The following SUSD5 variants were observed in gnomAD, a reference collection of about 807,000 sequenced individuals.
SUSD5 encodes the protein sushi domain containing 5, also known as sushi domain-containing protein 5.
SUSD5 carries 33 observed loss-of-function variants against 29.5 expected under a neutral mutation model. That is an observed-to-expected ratio of 1.12 (90% CI 0.85 to 1.49). The LOEUF is 1.49. Among genes scored for constraint, SUSD5 ranks in the 40% most tolerant of loss-of-function variants. SUSD5 has a pLI of 0.00. For missense variants in SUSD5, 776 were observed against 800.6 expected (o/e 0.97, Z 0.37); for synonymous variants, 308 against 325.3 (o/e 0.95, Z 0.57).
chr3:33,164,170 T>C (rs2031255536), intron 4 of SUSD5, among the ~76,000 whole-genome samples: 1 of 151,918 alleles, frequency 6.6e-6, no homozygotes, highest in Admixed American at 6.6e-5. Flanking sequence ...CAAGACTCTG[T>C]CTCAAAGAAA....
chr3:33,186,438 T>G (rs2031781403), intron 3 of SUSD5, among the ~76,000 whole-genome samples: 1 of 151,820 alleles, frequency 6.6e-6, no homozygotes, highest in South Asian at 2.1e-4. Context: ...TCTTTTTTTT[T>G]TTTGAGACAG....
At chr3:33,212,761 C>A (rs2125633994) in intron 2 of SUSD5, among the ~76,000 whole-genome samples, 1 of 152,316 alleles carries the variant, frequency 6.6e-6, no homozygotes, top group African/African-American at 2.4e-5. Flanking sequence ...CTCAAGGCTA[C>A]AAAAGTGAGT....
intron 3 of SUSD5, among the ~76,000 whole-genome samples, chr3:33,185,982 A>T (rs1314230085): frequency 1.3e-5 from 2 of 152,174 alleles, no homozygotes; most frequent in African/African-American, 4.8e-5. Context: ...TTCCTCTTCT[A>T]ATTTTACAGG....
At chr3:33,185,607 T>C (rs1051954475) in intron 3 of SUSD5, among the ~76,000 whole-genome samples, 3 of 152,242 alleles carry the variant, frequency 2.0e-5, no homozygotes, top group Non-Finnish European at 2.9e-5. Flanking sequence ...ACTTTGCTGA[T>C]GGATCTAAGA....
intron 4 of SUSD5, among the ~76,000 whole-genome samples, chr3:33,169,330 T>C (rs35525654): frequency 0.74 from 112,129 of 151,898 alleles, 41,712 homozygotes; most frequent in South Asian, 0.92. Flanking sequence ...AAGTGATTCT[T>C]CTGCCTCAGC....
intron 1 of SUSD5, 118 bp downstream of exon 1, chr3:33,218,568 C>T: frequency 5.2e-6 from 5 of 956,782 alleles, no homozygotes; most frequent in Non-Finnish European, 6.9e-6. Context: ...GTTCGTTCCT[C>T]TCAGGCTTGC....
chr3:33,174,145 A>C (rs959187803), intron 4 of SUSD5, among the ~76,000 whole-genome samples: 1 of 152,188 alleles, frequency 6.6e-6, no homozygotes, highest in Non-Finnish European at 1.5e-5. Flanking sequence ...CCTGGCATTC[A>C]GAAGGCTCCA....
Position 33,152,246 on chromosome 3 carries a change from C to T in SUSD5, c.*496G>A, listed in dbSNP as rs1421521109. On this transcript the variant is annotated 3_prime_UTR_variant, in exon 5 of 5. Coordinates refer to ENST00000309558, the MANE Select transcript of SUSD5 (RefSeq NM_015551.2). ...CAGCCTGGCCAACATGGTGAAACTC[C>T]ATCTCTACTAAAAATATAAAAAAAT... is the stretch of plus-strand genomic sequence containing the variant. The T allele has an allele frequency of 6.5e-6, 1 of 153,752 alleles. No individual in the cohort carries two copies. Among genetic ancestry groups the T allele is most frequent in the Non-Finnish European group, 1.4e-5 (1 of 69,244 alleles). The allele number at this position is 153,752 out of a possible 1,614,324, so 9.5% of individuals were successfully genotyped here.
At chr3:33,159,381 C>T (rs1275162328) in intron 4 of SUSD5, among the ~76,000 whole-genome samples, 1 of 152,178 alleles carries the variant, frequency 6.6e-6, no homozygotes, top group Non-Finnish European at 1.5e-5. Flanking sequence ...CCTGACAAGT[C>T]TCGCTGTAAC....
intron 4 of SUSD5, among the ~76,000 whole-genome samples, chr3:33,161,400 G>A (rs1199552325): frequency 6.6e-6 from 1 of 151,720 alleles, no homozygotes; most frequent in Non-Finnish European, 1.5e-5. Flanking sequence ...TAATAGAAGG[G>A]GTAAACATAA....
At chr3:33,212,735 A>T (rs1308972796) in intron 2 of SUSD5, among the ~76,000 whole-genome samples, 1 of 152,262 alleles carries the variant, frequency 6.6e-6, no homozygotes, top group Non-Finnish European at 1.5e-5. Context: ...CAGCACAGTC[A>T]GACTCCTCAT....
chr3:33,151,826 G>A lies in SUSD5; in HGVS notation c.*916C>T, dbSNP rs1220904021. On this transcript the variant is annotated 3_prime_UTR_variant, in exon 5 of 5. Coordinates refer to ENST00000309558, the MANE Select transcript of SUSD5 (RefSeq NM_015551.2). The stretch of plus-strand genomic sequence containing the variant: ...ATGACAGACTGTCCCACAGAATGGA[G>A]GGAACAGAGGGGGATGTGTGTTTCT... 1 of 152,138 alleles carries A rather than the reference G, an allele frequency of 6.6e-6. No individual in the cohort carries two copies. The highest frequency in any genetic ancestry group is 2.4e-5 in the African/African-American group (1 of 41,420). 9.4% of individuals were successfully genotyped at this position (152,138 alleles called of 1,614,324 possible).
intron 3 of SUSD5, among the ~76,000 whole-genome samples, chr3:33,202,084 T>A (rs182907472): frequency 2.0e-5 from 3 of 150,072 alleles, no homozygotes; most frequent in East Asian, 3.9e-4. Context: ...ATCTATCATC[T>A]ATCTATCATC....
intron 3 of SUSD5, among the ~76,000 whole-genome samples, chr3:33,196,736 A>T (rs1239908630): frequency 6.6e-6 from 1 of 152,220 alleles, no homozygotes; most frequent in African/African-American, 2.4e-5. Flanking sequence ...GATCCTGGTT[A>T]ATAATTACCA....
At chr3:33,171,538 C>G (rs530970922) in intron 4 of SUSD5, among the ~76,000 whole-genome samples, 40 of 152,258 alleles carry the variant, frequency 2.6e-4, no homozygotes, top group Non-Finnish European at 5.4e-4. Flanking sequence ...AAACAAACCC[C>G]TACAACCTCT....
At chr3:33,195,744 G>A (rs1447953302) in intron 3 of SUSD5, among the ~76,000 whole-genome samples, 88 of 139,388 alleles carry the variant, frequency 6.3e-4, no homozygotes, top group Non-Finnish European at 6.7e-4. Context: ...CCATATAAAT[G>A]AAAAAAAAAA....
At chr3:33,179,209 T>C (rs2031616601) in intron 3 of SUSD5, among the ~76,000 whole-genome samples, 1 of 152,360 alleles carries the variant, frequency 6.6e-6, no homozygotes, top group East Asian at 1.9e-4. Context: ...GAGTTGTTCA[T>C]AATATTCCTT....
At chr3:33,210,656 T>C (rs2032306235) in intron 2 of SUSD5, among the ~76,000 whole-genome samples, 2 of 152,158 alleles carry the variant, frequency 1.3e-5, no homozygotes, top group Admixed American at 1.3e-4. Context: ...CTTTTCAGTG[T>C]GTGGTGAGGG....
chr3:33,161,261 T>G (rs56166530), intron 4 of SUSD5, among the ~76,000 whole-genome samples: 40,869 of 151,996 alleles, frequency 0.27, 6,086 homozygotes, highest in East Asian at 0.51. Context: ...GGAGTCAAAG[T>G]GTTTGATGGC....
Sources: allele counts gnomAD v4.1 joint callset (sites outside exome capture counted in the v4.1 genomes callset), GRCh38; gene constraint gnomAD v4.1.1; transcripts MANE v1.5; gene names NCBI Gene and HGNC (gene_info 2026-07-23, HGNC 2026-07-21).